The following CEP128 variants were observed in gnomAD, a reference collection of about 807,000 sequenced individuals.
CEP128 encodes the protein centrosomal protein 128, also known as centrosomal protein 128kDa.
Under a neutral mutation model 156.7 loss-of-function variants are expected in CEP128, and 132 were observed. That is an observed-to-expected ratio of 0.84 (90% CI 0.73 to 0.97). The LOEUF (loss-of-function observed/expected upper bound fraction) is 0.97. Ranked by LOEUF, CEP128 falls within the 50% of genes least tolerant of loss-of-function variation. The probability of loss-of-function intolerance (pLI) is 0.00; values close to 1 mark genes in which losing one functional copy is unlikely to be tolerated. For missense variants in CEP128, 1,252 were observed against 1,281.9 expected, an observed-to-expected ratio of 0.98 and a Z score of 0.36; for synonymous variants, 469 against 448.9, an observed-to-expected ratio of 1.04 and a Z score of -0.57.
At chr14:80,799,067 A>G (rs1215252127) in intron 13 of CEP128, among the ~76,000 whole-genome samples, 1 of 152,198 alleles carries the variant, frequency 6.6e-6, no homozygotes, top group Non-Finnish European at 1.5e-5. Context: ...CTCTAGGAAG[A>G]CAGTGGCATA....
At chr14:80,477,413 T>C (rs539432743) in exon 15 of CEP128, 1 of 152,324 alleles carries the variant, frequency 6.6e-6, no homozygotes, top group Admixed American at 6.5e-5. Context: ...TCCATTTTTT[T>C]CCTCTGGCTC....
chr14:80,778,584 T>TA (rs1279525131), intron 15 of CEP128, among the ~76,000 whole-genome samples: 2 of 152,136 alleles, frequency 1.3e-5, no homozygotes, highest in Non-Finnish European at 2.9e-5. Context: ...CTTATGGGGC[T>TA]AAAAAAATTA....
At chr14:80,654,470 C>A (rs570813965) in intron 19 of CEP128, among the ~76,000 whole-genome samples, 3 of 152,114 alleles carry the variant, frequency 2.0e-5, no homozygotes, top group Admixed American at 2.0e-4. Flanking sequence ...TTTTCTGAAC[C>A]AAGGATACAA....
chr14:80,505,088 C>T (rs530986193), intron 23 of CEP128, 68 bp from the exon 24 acceptor site: 5 of 603,496 alleles, frequency 8.3e-6, no homozygotes, highest in African/African-American at 7.5e-5. Context: ...TTTAAACGTA[C>T]TGAAGCTGAA....
intron 8 of CEP128, among the ~76,000 whole-genome samples, chr14:80,885,484 T>G (rs139312290): frequency 1.3e-5 from 2 of 152,072 alleles, no homozygotes; most frequent in Non-Finnish European, 2.9e-5. Flanking sequence ...CCCAGGCAAA[T>G]AGGGTCTAGA....
chr14:80,500,004 A>T (rs1478541126), intron 24 of CEP128, among the ~76,000 whole-genome samples: 6 of 152,104 alleles, frequency 3.9e-5, no homozygotes, highest in Non-Finnish European at 2.9e-5. Context: ...TAAATAATGG[A>T]TTTCTGTGTT....
At chr14:80,497,832 G>A (rs1015120652) in intron 24 of CEP128, among the ~76,000 whole-genome samples, 3 of 152,076 alleles carry the variant, frequency 2.0e-5, no homozygotes, top group East Asian at 1.9e-4. Context: ...TGTGTGCTTC[G>A]TCAGGATACA....
At position 80,895,798 on chromosome 14, in the gene CEP128, GAA is replaced by G. The variant is rs397973196; in HGVS notation, c.573-10_573-9del. Reference sequence around the variant, plus strand: ...TTTGTTTCGGCATCTGACCTAGGAAGAAAAAAAAAAAAAAGATTTAAATTTGG... The same window carrying G: ...TTTGTTTCGGCATCTGACCTAGGAAGAAAAAAAAAAAAGATTTAAATTTGG... On this transcript the variant is annotated splice_polypyrimidine_tract_variant and intron_variant, in intron 7 of 24. Transcript: ENST00000555265. 1,341 of 1,254,982 alleles carry G rather than the reference GAA, an allele frequency of 1.1e-3. No individual in the cohort carries two copies. The highest frequency in any genetic ancestry group is 1.8e-3 in the South Asian group (104 of 56,902). The allele number at this position is 1,254,982 out of a possible 1,614,324, so 77.7% of individuals were successfully genotyped here.
intron 2 of CEP128, among the ~76,000 whole-genome samples, chr14:80,921,393 C>T (rs1158199741): frequency 1.3e-5 from 2 of 152,102 alleles, no homozygotes; most frequent in Non-Finnish European, 2.9e-5. Flanking sequence ...CCAGGTGATA[C>T]CCTGGACTCT....
At chr14:80,916,723 C>T (rs928372777) in intron 2 of CEP128, among the ~76,000 whole-genome samples, 161 bp from the exon 3 acceptor site, 2 of 152,190 alleles carry the variant, frequency 1.3e-5, no homozygotes, top group African/African-American at 2.4e-5. Flanking sequence ...CAAGAAGTCA[C>T]TTCCCCATGT....
intron 13 of CEP128, among the ~76,000 whole-genome samples, chr14:80,829,761 C>A (rs1885682590): frequency 1.3e-5 from 2 of 152,120 alleles, no homozygotes; most frequent in African/African-American, 2.4e-5. Context: ...CAAACTAACC[C>A]AAGAGGACTC....
chr14:80,570,943 T>A (rs2140412725), intron 20 of CEP128, among the ~76,000 whole-genome samples: 1 of 152,284 alleles, frequency 6.6e-6, no homozygotes, highest in African/African-American at 2.4e-5. Context: ...ATTATTTGTA[T>A]ACATTTTTAT....
intron 2 of CEP128, among the ~76,000 whole-genome samples, chr14:80,951,350 G>T (rs1886459872): frequency 6.6e-6 from 1 of 152,096 alleles, no homozygotes. Flanking sequence ...TAAAGGTTAG[G>T]CAGGAGAGGA....
At chr14:80,895,901 G>A in intron 7 of CEP128, 111 bp from the exon 8 acceptor site, 1 of 795,158 alleles carries the variant, frequency 1.3e-6, no homozygotes, top group Non-Finnish European at 1.8e-6. Flanking sequence ...CTACTTTAGT[G>A]ATTCTCAAAT....
At chr14:80,533,366 A>T (rs1889319568) in intron 21 of CEP128, among the ~76,000 whole-genome samples, 1 of 152,074 alleles carries the variant, frequency 6.6e-6, no homozygotes, top group African/African-American at 2.4e-5. Flanking sequence ...TTTTGAAGTG[A>T]TCTTCTGAAC....
intron 19 of CEP128, among the ~76,000 whole-genome samples, chr14:80,721,843 T>C (rs1897828619): frequency 6.6e-6 from 1 of 151,634 alleles, no homozygotes; most frequent in Admixed American, 6.6e-5. Context: ...AATAATTGTT[T>C]GAGCAAAGTG....
In CEP128 at chr14:80,852,327, G is replaced by A. The variant is rs192296856; in HGVS notation, c.762+10430C>T. On this transcript the variant is annotated intron_variant, in intron 9 of 24. Transcript: ENST00000555265. ...ATTCCTAAATAAGTTTTGAGTTATA[G>A]AGAAAATTGTAACAAATTATAAAAG... 2.5e-3 allele frequency among the ~76,000 whole-genome samples: 373 copies of A among 151,612 alleles called. 1 individual carries two copies. The highest frequency in any genetic ancestry group is 4.2e-3 in the Non-Finnish European group (283 of 67,706).
At chr14:80,735,011 A>G (rs1189377217) in intron 19 of CEP128, among the ~76,000 whole-genome samples, 1 of 152,118 alleles carries the variant, frequency 6.6e-6, no homozygotes, top group Non-Finnish European at 1.5e-5. Context: ...ATATGACCTA[A>G]CAGGTATCCC....
intron 18 of CEP128, among the ~76,000 whole-genome samples, chr14:80,744,594 A>G (rs1426872420): frequency 6.6e-6 from 1 of 152,206 alleles, no homozygotes; most frequent in African/African-American, 2.4e-5. Context: ...GTGGCACTTG[A>G]GGCATAACTG....
Sources: allele counts gnomAD v4.1 joint callset (sites outside exome capture counted in the v4.1 genomes callset), GRCh38; gene constraint gnomAD v4.1.1; transcripts MANE v1.5; gene names NCBI Gene and HGNC (gene_info 2026-07-23, HGNC 2026-07-21).